LOC128462377: variants seen among roughly 807,000 people sequenced by gnomAD.
the LOC128462377 span, among the ~76,000 whole-genome samples, chr16:89,387,360 G>A: frequency 6.6e-6 from 1 of 152,136 alleles, no homozygotes; most frequent in Non-Finnish European, 1.5e-5. Context: ...TGCACCACAG[G>A]TCTGTGAAGT....
At chr16:89,342,235 G>T in the LOC128462377 span, among the ~76,000 whole-genome samples, 3 of 152,276 alleles carry the variant, frequency 2.0e-5, no homozygotes, top group African/African-American at 7.2e-5. Flanking sequence ...GAGGTCAACT[G>T]CCTGGGCAAA....
At chr16:89,334,239 G>A in the LOC128462377 span, among the ~76,000 whole-genome samples, 1 of 150,148 alleles carries the variant, frequency 6.7e-6, no homozygotes, top group Non-Finnish European at 1.5e-5. Flanking sequence ...AATGTCTGAT[G>A]CCTGGCCTAG....
chr16:89,372,096 C>T, the LOC128462377 span, among the ~76,000 whole-genome samples: 1 of 152,224 alleles, frequency 6.6e-6, no homozygotes, highest in African/African-American at 2.4e-5. Flanking sequence ...AGGACCACCA[C>T]GGCGGGCACC....
At chr16:89,398,076 A>G in the LOC128462377 span, among the ~76,000 whole-genome samples, 91 of 151,604 alleles carry the variant, frequency 6.0e-4, 1 homozygote, top group South Asian at 0.017. Context: ...TGACGCTGTG[A>G]AACAGCTGAA....
the LOC128462377 span, among the ~76,000 whole-genome samples, chr16:89,378,542 T>C: frequency 6.6e-6 from 1 of 152,220 alleles, no homozygotes; most frequent in African/African-American, 2.4e-5. Context: ...ATGTACGTGC[T>C]ATAAGGCTAC....
the LOC128462377 span, among the ~76,000 whole-genome samples, chr16:89,374,706 T>C: frequency 2.6e-5 from 4 of 152,072 alleles, no homozygotes; most frequent in Admixed American, 2.6e-4. Flanking sequence ...TCAACTCTGC[T>C]CAGGTAAGGA....
chr16:89,363,559 C>T, the LOC128462377 span, among the ~76,000 whole-genome samples: 1 of 152,140 alleles, frequency 6.6e-6, no homozygotes, highest in African/African-American at 2.4e-5. Flanking sequence ...GTTCACAATT[C>T]TGAGTCCAGA....
At chr16:89,404,290 G>C in the LOC128462377 span, among the ~76,000 whole-genome samples, 1 of 152,092 alleles carries the variant, frequency 6.6e-6, no homozygotes, top group Non-Finnish European at 1.5e-5. Context: ...CACCAGCAAA[G>C]ACTCTGAGAA....
the LOC128462377 span, among the ~76,000 whole-genome samples, chr16:89,406,340 AC>A: frequency 6.6e-6 from 1 of 152,098 alleles, no homozygotes; most frequent in South Asian, 2.1e-4. Flanking sequence ...CACGGCGGGC[AC>A]GGGAAACCCA....
the LOC128462377 span, among the ~76,000 whole-genome samples, chr16:89,395,373 C>A: frequency 6.6e-6 from 1 of 152,208 alleles, no homozygotes; most frequent in South Asian, 2.1e-4. Context: ...AGAGCCCAGT[C>A]CTGCACTGCG....
At chr16:89,321,782 C>A in the LOC128462377 span, among the ~76,000 whole-genome samples, 3 of 152,112 alleles carry the variant, frequency 2.0e-5, no homozygotes, top group Non-Finnish European at 4.4e-5. Flanking sequence ...CCATGAACAA[C>A]CTGGGTCTGG....
At chr16:89,362,042 T>C in the LOC128462377 span, among the ~76,000 whole-genome samples, 6 of 152,350 alleles carry the variant, frequency 3.9e-5, no homozygotes, top group Non-Finnish European at 7.3e-5. Context: ...AACCCTCAAG[T>C]GCTCCTCAGA....
chr16:89,403,373 T>A, the LOC128462377 span, among the ~76,000 whole-genome samples: 1 of 152,046 alleles, frequency 6.6e-6, no homozygotes. Context: ...GAGGAGCTCA[T>A]CTGTCTGAGG....
chr16:89,391,928 T>C, the LOC128462377 span, among the ~76,000 whole-genome samples: 1 of 152,272 alleles, frequency 6.6e-6, no homozygotes, highest in South Asian at 2.1e-4. Context: ...CTGGCATGCT[T>C]ATACTGGTCG....
the LOC128462377 span, among the ~76,000 whole-genome samples, chr16:89,386,123 A>C: frequency 3.3e-5 from 5 of 152,250 alleles, no homozygotes; most frequent in Admixed American, 1.3e-4. Context: ...GTTTTTAAGT[A>C]AAGTCATTAC....
chr16:89,404,506 T>C, the LOC128462377 span, among the ~76,000 whole-genome samples: 3 of 152,208 alleles, frequency 2.0e-5, no homozygotes, highest in Non-Finnish European at 2.9e-5. Flanking sequence ...CTCCAGAAAA[T>C]GAGCCAACAG....
At chr16:89,376,568 G>C in the LOC128462377 span, among the ~76,000 whole-genome samples, 1 of 152,104 alleles carries the variant, frequency 6.6e-6, no homozygotes, top group Non-Finnish European at 1.5e-5. Context: ...CTCCCAAGTA[G>C]CTGGGACCAC....
chr16:89,344,061 C>G, the LOC128462377 span, among the ~76,000 whole-genome samples: 1 of 152,184 alleles, frequency 6.6e-6, no homozygotes, highest in East Asian at 1.9e-4. Flanking sequence ...CCCTCCTGCT[C>G]CCAGCGGAAG....
At chr16:89,318,906 C>G in the LOC128462377 span, among the ~76,000 whole-genome samples, 1 of 152,212 alleles carries the variant, frequency 6.6e-6, no homozygotes, top group Admixed American at 6.5e-5. Flanking sequence ...CATATTTTCT[C>G]TCTCTACCTG....
Sources: gnomAD v4.1 joint callset for allele counts (sites outside exome capture counted in the v4.1 genomes callset) on GRCh38, gnomAD v4.1.1 for gene constraint, MANE v1.5 for transcripts.